The following CR2 variants were observed in gnomAD, a reference collection of about 807,000 sequenced individuals.
The protein encoded by CR2 is complement C3d receptor 2.
In CR2, 96 loss-of-function variants were observed where a neutral mutation model predicts 123.0. The observed-to-expected ratio is 0.78, with a 90% CI of 0.66 to 0.93. The LOEUF (loss-of-function observed/expected upper bound fraction) is 0.93, where lower values mean the gene tolerates loss of function less well. Among genes scored for constraint, CR2 ranks in the 40% least tolerant of loss-of-function variants. The pLI, the probability that CR2 is intolerant of heterozygous loss-of-function variation, is 0.00. For synonymous variants in CR2, 484 were observed against 469.5 expected, an observed-to-expected ratio of 1.03 and a Z score of -0.40; for missense variants, 1,258 against 1,361.0, an observed-to-expected ratio of 0.92 and a Z score of 1.19.
At position 207,471,502 on chromosome 1, in the gene CR2, G is replaced by C; in HGVS notation, c.1570+3G>C. 3.1e-6 allele frequency: 5 copies of C among 1,600,250 alleles called. No homozygotes were observed. Among genetic ancestry groups the C allele is most frequent in the Non-Finnish European group, 4.3e-6 (5 of 1,167,544 alleles). On this transcript the variant is annotated splice_donor_region_variant and intron_variant, in intron 9 of 19. Coordinates refer to ENST00000367057, the MANE Select transcript of CR2 (RefSeq NM_001006658.3). ...TATGGAGATTCGTCTTTGTAAAGGT[G>C]AGTAGCAAAAATGATATAGGAGCTG...
chr1:207,454,485 G>A lies in CR2; in HGVS notation c.58+9G>A. ...CGCACCGGGGGTCCTCGGTGAGCTG[G>A]GAGGGGGAGCACGGAGGTGGGGACG... is the stretch of plus-strand genomic sequence containing the variant. On this transcript the variant is annotated intron_variant, in intron 1 of 19. Coordinates refer to ENST00000367057, the MANE Select transcript of CR2 (RefSeq NM_001006658.3). This position sits in a 1 kb window ranked among gnomAD's most constrained non-coding sequence, Gnocchi z 4.3. 5 of 1,552,850 alleles carry A rather than the reference G, an allele frequency of 3.2e-6. No individual in the cohort carries two copies. Among genetic ancestry groups the A allele is most frequent in the Non-Finnish European group, 4.3e-6 (5 of 1,152,964 alleles).
In CR2 at chr1:207,469,925, C is replaced by T; in HGVS notation, c.1048C>T (p.Gln350Ter). The T allele has an allele frequency of 6.2e-7, 1 of 1,613,988 alleles. No individual in the cohort carries two copies. Among genetic ancestry groups the T allele is most frequent in the Non-Finnish European group, 8.5e-7 (1 of 1,179,940 alleles). Reference sequence around the variant, plus strand: ...CTGTGAACTTTCTACTTCTGCGGTTCAGTGTCCACATCCCCAGATCCTAAG... The same window carrying T: ...CTGTGAACTTTCTACTTCTGCGGTTTAGTGTCCACATCCCCAGATCCTAAG... ...PRCELSTSAV[Q>*]CPHPQILRGR... Residue 350 changes from glutamine (Q) to a stop codon, truncating the protein, a stop_gained, in exon 6 of 20, where the codon CAG (glutamine) becomes TAG (stop). Coordinates refer to ENST00000367057, the MANE Select transcript of CR2 (RefSeq NM_001006658.3). LOFTEE classifies it high-confidence loss of function.
chr1:207,473,167 G>A lies in CR2; in HGVS notation c.1966G>A (p.Val656Ile), dbSNP rs541574155. The A allele has an allele frequency of 3.1e-6, 5 of 1,613,802 alleles. No homozygotes were observed. The highest frequency in any genetic ancestry group is 1.1e-5 in the South Asian group (1 of 91,050). ...TAACACCTGGGATCCTGAAATACCAGTTTGTGAAAAAGGTAAAAACCCAAT... is the reference window on the plus strand; with the variant it reads ...TAACACCTGGGATCCTGAAATACCAATTTGTGAAAAAGGTAAAAACCCAAT... ...ADNTWDPEIP[V>I]CEKGCQSPPG... is the part of the protein sequence containing the mutation. Residue 656 changes from valine to isoleucine, a missense_variant, in exon 10 of 20, where the codon GTT (valine) becomes ATT (isoleucine). By Grantham distance (29) the Val-to-Ile change is conservative (BLOSUM62 3). Transcript: ENST00000367057.
rs1658560546 is a variant in CR2, at chr1:207,480,035, T to TC, written c.3170_3171insC (p.Ser1058IlefsTer29). The TC allele has an allele frequency of 1.2e-6, 2 of 1,612,524 alleles. No homozygotes were observed. Among genetic ancestry groups the TC allele is most frequent in the Non-Finnish European group, 1.7e-6 (2 of 1,178,772 alleles). The stretch of plus-strand genomic sequence containing the variant: ...TTGATTGTCATTACCTTATACGTGA[T>TC]ATCAAAACACAGAGCACGGTAAGTT... On this transcript the variant is annotated frameshift_variant, in exon 18 of 20. Coordinates refer to ENST00000367057, the MANE Select transcript of CR2 (RefSeq NM_001006658.3). LOFTEE classifies it high-confidence loss of function.
At chr1:207,467,020 G>C in intron 2 of CR2, 108 bp downstream of exon 2, 1 of 1,319,468 alleles carries the variant, frequency 7.6e-7, no homozygotes, top group Non-Finnish European at 1.0e-6. Context: ...GTAATGATGA[G>C]GGTGGAAGAA....
At chr1:207,477,073 A>G (rs1658461266) in intron 15 of CR2, among the ~76,000 whole-genome samples, 1 of 152,210 alleles carries the variant, frequency 6.6e-6, no homozygotes, top group African/African-American at 2.4e-5. Flanking sequence ...GAAGTACTAG[A>G]GCCAGGCTTC....
At chr1:207,486,347 G>A (rs935705770) in intron 19 of CR2, among the ~76,000 whole-genome samples, 8 of 152,028 alleles carry the variant, frequency 5.3e-5, no homozygotes, top group Non-Finnish European at 8.8e-5. Flanking sequence ...TGTGTTGGCG[G>A]CACAGCAAGG....
intron 16 of CR2, among the ~76,000 whole-genome samples, chr1:207,478,997 T>C (rs1658525048): frequency 7.4e-6 from 1 of 135,168 alleles, no homozygotes; most frequent in Non-Finnish European, 1.6e-5. Flanking sequence ...TTTTTGTTTT[T>C]GTTTTAAATA....
chr1:207,486,757 A>T (rs1658760366), intron 19 of CR2, among the ~76,000 whole-genome samples: 1 of 152,238 alleles, frequency 6.6e-6, no homozygotes. Context: ...TATGAGAGGA[A>T]GAGAGCTGTC....
Position 207,468,829 on chromosome 1 carries a change from C to T in CR2, c.664C>T (p.Pro222Ser). The change falls in exon 4 of 20, where the codon CCC becomes TCC. Residue 222 changes from proline (P) to serine (S), a missense_variant. Transcript: ENST00000367057. ...EARCKSLGRF[P>S]NGKVKEPPIL... ...ACGCTGTAAATCTCTAGGACGATTT[C>T]CCAATGGGAAGGTAAAGGAGCCTCC... 3 of 1,613,958 alleles carry T rather than the reference C, an allele frequency of 1.9e-6. No homozygotes were observed. The highest frequency in any genetic ancestry group is 1.1e-5 in the South Asian group (1 of 91,080).
At chr1:207,478,408 G>T (rs1658501906) in intron 16 of CR2, among the ~76,000 whole-genome samples, 1 of 150,570 alleles carries the variant, frequency 6.6e-6, no homozygotes, top group African/African-American at 2.4e-5. Context: ...TGCACCTGTG[G>T]CCCCAGCTAC....
chr1:207,454,525 A>T lies in CR2; in HGVS notation c.58+49A>T, dbSNP rs1403630218. On this transcript the variant is annotated intron_variant, in intron 1 of 19. Coordinates refer to ENST00000367057, the MANE Select transcript of CR2 (RefSeq NM_001006658.3). This position sits in a 1 kb window ranked among gnomAD's most constrained non-coding sequence, Gnocchi z 4.3. ...AGGTGGGGACGCGTCCCGGGCAGGG[A>T]AAGTTTCTGTGCCGCGATGCAAAGC... 2 of 1,396,132 alleles carry T rather than the reference A, an allele frequency of 1.4e-6. No homozygotes were observed. The allele number at this position is 1,396,132 out of a possible 1,614,324, so 86.5% of individuals were successfully genotyped here.
At chr1:207,471,786 A>C (rs536473065) in intron 9 of CR2, 1 of 383,542 alleles carries the variant, frequency 2.6e-6, no homozygotes, top group Non-Finnish European at 5.0e-6. Context: ...GGTATACCAC[A>C]GTTTAGTGGA....
chr1:207,486,403 G>A (rs907114700), intron 19 of CR2, among the ~76,000 whole-genome samples: 5 of 152,282 alleles, frequency 3.3e-5, no homozygotes, highest in Admixed American at 1.3e-4. Flanking sequence ...ACAGAGATGG[G>A]GGTGGGATGT....
chr1:207,488,192 G>A (rs145606845), intron 19 of CR2, among the ~76,000 whole-genome samples: 1 of 152,096 alleles, frequency 6.6e-6, no homozygotes, highest in Admixed American at 6.6e-5. Flanking sequence ...TTGAAAGGTG[G>A]GTGTTCTCCC....
intron 18 of CR2, among the ~76,000 whole-genome samples, chr1:207,483,837 G>A (rs757858789): frequency 6.6e-6 from 1 of 152,090 alleles, no homozygotes; most frequent in Non-Finnish European, 1.5e-5. Flanking sequence ...TCGGGTGGGT[G>A]ACACTTAAAT....
intron 1 of CR2, among the ~76,000 whole-genome samples, chr1:207,460,365 T>C (rs1409251342): frequency 6.6e-6 from 1 of 152,212 alleles, no homozygotes. Flanking sequence ...AACCAGTCTT[T>C]GTGACTTCTC....
intron 8 of CR2, 145 bp from the exon 9 acceptor site, chr1:207,471,278 A>C (rs1658272193): frequency 1.1e-5 from 10 of 886,488 alleles, no homozygotes; most frequent in South Asian, 1.1e-4. Flanking sequence ...ATGCCTGTGC[A>C]ATGAGAAGTT....
chr1:207,458,077 C>CACACAT (rs1553278528), intron 1 of CR2, among the ~76,000 whole-genome samples: 1,854 of 150,188 alleles, frequency 0.012, 45 homozygotes, highest in African/African-American at 0.043. Flanking sequence ...CACACACACA[C>CACACAT]ACACACACAC....
Sources: gnomAD v4.1 joint callset for allele counts (sites outside exome capture counted in the v4.1 genomes callset) on GRCh38, gnomAD v4.1.1 for gene constraint, Gnocchi (gnomAD v3.1) non-coding constraint, MANE v1.5 for transcripts, NCBI Gene and HGNC (gene_info 2026-07-23, HGNC 2026-07-21) for gene names.